The following MIPEP variants were observed in gnomAD, a reference collection of about 807,000 sequenced individuals.
MIPEP encodes mitochondrial intermediate peptidase.
MIPEP carries 79 observed loss-of-function variants against 90.3 expected under a neutral mutation model. The observed-to-expected ratio is 0.87, with a 90% CI of 0.73 to 1.05. The LOEUF is 1.05. MIPEP is among the 50% of genes least tolerant of loss of function. The pLI is 0.00. For synonymous variants in MIPEP, 334 were observed against 315.8 expected (o/e 1.06, Z -0.61); for missense variants, 940 against 905.6 (o/e 1.04, Z -0.49).
chr13:23,786,007 C>G (rs1211027732), intron 16 of MIPEP, among the ~76,000 whole-genome samples: 1 of 151,978 alleles, frequency 6.6e-6, no homozygotes, highest in South Asian at 2.1e-4. Context: ...CCCTTTAAGC[C>G]CAGGAGTTGA....
intron 2 of MIPEP, among the ~76,000 whole-genome samples, chr13:23,884,720 C>T (rs540485644): frequency 7.9e-5 from 12 of 152,178 alleles, no homozygotes; most frequent in Non-Finnish European, 1.3e-4. Context: ...CAAGTTAATG[C>T]CAGAATATAA....
intron 18 of MIPEP, among the ~76,000 whole-genome samples, chr13:23,732,714 A>C (rs1263438821): frequency 6.6e-6 from 1 of 152,232 alleles, no homozygotes; most frequent in African/African-American, 2.4e-5. Context: ...AAAGTTAGTC[A>C]AACCAATCTA....
chr13:23,859,011 C>A, intron 9 of MIPEP, 99 bp from the exon 10 acceptor site: 1 of 918,082 alleles, frequency 1.1e-6, no homozygotes, highest in South Asian at 1.4e-5. Context: ...AGCTACTGTT[C>A]ATGTAAATCA....
At chr13:23,857,876 C>T (rs1483321887) in intron 10 of MIPEP, among the ~76,000 whole-genome samples, 2 of 152,084 alleles carry the variant, frequency 1.3e-5, no homozygotes, top group African/African-American at 4.8e-5. Context: ...GAAGTACCTA[C>T]TATGCTTTAC....
intron 16 of MIPEP, among the ~76,000 whole-genome samples, chr13:23,789,188 CATATGTCACAG>C (rs1952877020): frequency 1.5e-5 from 2 of 136,224 alleles, no homozygotes; most frequent in South Asian, 2.9e-4. Flanking sequence ...AAACGTAAAC[CATATGTCACAG>C]ATGTTATAAT....
chr13:23,810,519 C>T (rs557749628), intron 14 of MIPEP, among the ~76,000 whole-genome samples: 6 of 152,188 alleles, frequency 3.9e-5, no homozygotes, highest in Admixed American at 1.3e-4. Flanking sequence ...AACCCTATAA[C>T]ATACAGATCC....
chr13:23,804,291 T>G (rs1423084206), intron 16 of MIPEP, among the ~76,000 whole-genome samples: 6 of 152,148 alleles, frequency 3.9e-5, no homozygotes, highest in Admixed American at 3.9e-4. Context: ...GCATCCCAGT[T>G]CTCCTAATGT....
chr13:23,823,202 G>A (rs752817685), intron 14 of MIPEP, among the ~76,000 whole-genome samples: 19 of 152,080 alleles, frequency 1.2e-4, no homozygotes, highest in Non-Finnish European at 2.4e-4. Flanking sequence ...TGTGAAAGAC[G>A]AAGGCTTGGG....
At chr13:23,772,335 A>G (rs1952662524) in intron 16 of MIPEP, among the ~76,000 whole-genome samples, 2 of 152,330 alleles carry the variant, frequency 1.3e-5, no homozygotes, top group African/African-American at 4.8e-5. Context: ...ACAACAAAAA[A>G]AACGGCTACA....
chr13:23,852,692 A>C (rs1467518004), intron 10 of MIPEP, among the ~76,000 whole-genome samples: 1 of 152,210 alleles, frequency 6.6e-6, no homozygotes, highest in Non-Finnish European at 1.5e-5. Flanking sequence ...TATTAACTAC[A>C]CTATACTTTC....
At chr13:23,731,477 A>C (rs1007868097) in intron 18 of MIPEP, among the ~76,000 whole-genome samples, 3 of 152,196 alleles carry the variant, frequency 2.0e-5, no homozygotes, top group Admixed American at 1.3e-4. Flanking sequence ...CTCCTACTGC[A>C]TACCATACAT....
rs192120873 is a variant in MIPEP, at chr13:23,853,553, C to T, written c.1106+5307G>A. Among the ~76,000 whole-genome samples the T allele has an allele frequency of 7.6e-4, 115 of 150,514 alleles. 2 individuals are homozygous for T. The South Asian group carries it at 0.012, about 15-fold the overall frequency. ...TAAGATCATACAATGACAAAAGTGCCTAACGATGCTTTTTTTTTTTTTTCT... is the reference window on the plus strand; with the variant it reads ...TAAGATCATACAATGACAAAAGTGCTTAACGATGCTTTTTTTTTTTTTTCT... On this transcript the variant is annotated intron_variant, in intron 10 of 18. Coordinates refer to ENST00000382172, the MANE Select transcript of MIPEP (RefSeq NM_005932.4).
chr13:23,852,151 G>A (rs1869824319), intron 10 of MIPEP, among the ~76,000 whole-genome samples: 1 of 152,198 alleles, frequency 6.6e-6, no homozygotes, highest in Non-Finnish European at 1.5e-5. Context: ...TCTAAAGTAA[G>A]AGACAGGAGA....
Position 23,858,703 on chromosome 13 carries a change from CTGAAGAATACA to C in MIPEP, c.1106+146_1106+156del, listed in dbSNP as rs1408643073. On this transcript the variant is annotated intron_variant, in intron 10 of 18. Transcript: ENST00000382172. ...TTAAACAAGGAAATGATACAAGCAG[CTGAAGAATACA>C]TGAGTGGAGCAGACCACGCCAGCAG... Among the ~76,000 whole-genome samples, 12 of 152,080 alleles carry C rather than the reference CTGAAGAATACA, an allele frequency of 7.9e-5. No homozygotes were observed. In the East Asian group the frequency reaches 2.3e-3, roughly 29 times the overall value.
chr13:23,786,047 T>A (rs1952835764), intron 16 of MIPEP, among the ~76,000 whole-genome samples: 1 of 152,068 alleles, frequency 6.6e-6, no homozygotes, highest in African/African-American at 2.4e-5. Context: ...CGTGAGACCC[T>A]GTCTCTACAA....
intron 14 of MIPEP, among the ~76,000 whole-genome samples, chr13:23,823,233 G>A (rs760776289): frequency 6.6e-6 from 1 of 152,130 alleles, no homozygotes; most frequent in Non-Finnish European, 1.5e-5. Flanking sequence ...GCATCCTGCT[G>A]TTGCTACTCT....
chr13:23,825,249 T>A (rs1953352854), intron 14 of MIPEP, among the ~76,000 whole-genome samples: 1 of 152,198 alleles, frequency 6.6e-6, no homozygotes, highest in Admixed American at 6.5e-5. Flanking sequence ...ACACTGAAAG[T>A]AAGAAAAGTT....
intron 7 of MIPEP, among the ~76,000 whole-genome samples, chr13:23,867,803 T>C (rs996643880): frequency 2.0e-5 from 3 of 152,154 alleles, no homozygotes; most frequent in Admixed American, 2.0e-4. Context: ...TTCTGCCACA[T>C]TTTAGCAATA....
intron 10 of MIPEP, among the ~76,000 whole-genome samples, chr13:23,842,069 A>C (rs1018347402): frequency 1.3e-5 from 2 of 152,184 alleles, no homozygotes. Flanking sequence ...ATTATTCTTC[A>C]CCCAAAAATA....
Sources: gnomAD v4.1 joint callset for allele counts (sites outside exome capture counted in the v4.1 genomes callset) on GRCh38, gnomAD v4.1.1 for gene constraint, MANE v1.5 for transcripts, NCBI Gene and HGNC (gene_info 2026-07-23, HGNC 2026-07-21) for gene names.